Variants in DENND5A observed in about 807,000 individuals in gnomAD.
DENND5A encodes DENN domain-containing protein 5A.
Under a neutral mutation model 140.3 loss-of-function variants are expected in DENND5A, and 64 were observed. That is an observed-to-expected ratio of 0.46 (90% CI 0.37 to 0.56). The LOEUF (loss-of-function observed/expected upper bound fraction) is 0.56, where lower values mean the gene tolerates loss of function less well. Among genes scored for constraint, DENND5A ranks in the 20% least tolerant of loss-of-function variants. The pLI, the probability that DENND5A is intolerant of heterozygous loss-of-function variation, is 0.00. For missense variants in DENND5A, 1,292 were observed against 1,593.8 expected (o/e 0.81, Z 3.22); for synonymous variants, 605 against 607.7 (o/e 1.00, Z 0.07).
At chr11:9,141,308 C>T (rs1179258889) in intron 22 of DENND5A, among the ~76,000 whole-genome samples, 2 of 152,118 alleles carry the variant, frequency 1.3e-5, no homozygotes, top group South Asian at 2.1e-4. Context: ...CCCTCTGCCC[C>T]GAGTTACATA....
chr11:9,164,198 T>A, intron 11 of DENND5A, among the ~76,000 whole-genome samples: 2 of 20,156 alleles, frequency 9.9e-5, no homozygotes, highest in South Asian at 4.3e-3. Flanking sequence ...CGCCTAATTT[T>A]TTTTTTTTTT....
Position 9,142,050 on chromosome 11 carries a change from GT to G in DENND5A, c.3569del (p.Asn1190ThrfsTer64). The G allele has an allele frequency of 6.2e-7, 1 of 1,605,768 alleles. No individual in the cohort carries two copies. The highest frequency in any genetic ancestry group is 8.5e-7 in the Non-Finnish European group (1 of 1,176,178). On this transcript the variant is annotated frameshift_variant, in exon 22 of 23. Coordinates refer to ENST00000328194, the MANE Select transcript of DENND5A (RefSeq NM_015213.4). LOFTEE classifies it high-confidence loss of function. Reference sequence around the variant, plus strand: ...AGAAGTTCCGGGCTCTTGTATGCCAGTTTTCCTCAGGGACTACTTCATTCTT... The same window carrying G: ...AGAAGTTCCGGGCTCTTGTATGCCAGTTTCCTCAGGGACTACTTCATTCTT... Reference protein sequence around the residue: ...LEKNEVVPEENWHTRARNFCR... With the variant: ...LEKNEVVPEEXWHTRARNFCR...
At position 9,247,241 on chromosome 11, in the gene DENND5A, A is replaced by C. The variant is rs558708244; in HGVS notation, c.109+17720T>G. On this transcript the variant is annotated intron_variant, in intron 1 of 22. Transcript: ENST00000328194. ...CGAGACTCCGTCTTAAAAAAAAAAA[A>C]AAAAAACCCTTGCCTGCAAGCCACT... Among the ~76,000 whole-genome samples, 36 of 151,796 alleles carry C rather than the reference A, an allele frequency of 2.4e-4. 1 individual carries two copies. The South Asian group carries it at 6.7e-3, about 28-fold the overall frequency.
At chr11:9,199,610 T>C in intron 4 of DENND5A, among the ~76,000 whole-genome samples, 1 of 152,224 alleles carries the variant, frequency 6.6e-6, no homozygotes, top group Non-Finnish European at 1.5e-5. Context: ...TAAAATGACC[T>C]ATACCAAAAA....
chr11:9,143,586 G>T, intron 19 of DENND5A, 101 bp from the exon 20 acceptor site: 1 of 973,122 alleles, frequency 1.0e-6, no homozygotes, highest in Middle Eastern at 2.5e-4. Context: ...CCATAGGAGA[G>T]GCAGGGCAGC....
intron 1 of DENND5A, among the ~76,000 whole-genome samples, chr11:9,218,567 T>C (rs1850186573): frequency 6.6e-6 from 1 of 151,868 alleles, no homozygotes; most frequent in African/African-American, 2.4e-5. Flanking sequence ...CTACTAAAAA[T>C]ACAAAAATTA....
chr11:9,143,661 T>G (rs1847324388), intron 19 of DENND5A, among the ~76,000 whole-genome samples, 176 bp from the exon 20 acceptor site: 1 of 152,188 alleles, frequency 6.6e-6, no homozygotes, highest in Non-Finnish European at 1.5e-5. Flanking sequence ...CCGCAAATCT[T>G]GGGGGAAAAA....
At chr11:9,167,116 AAC>A (rs1358627390) in intron 10 of DENND5A, among the ~76,000 whole-genome samples, 1 of 152,206 alleles carries the variant, frequency 6.6e-6, no homozygotes, top group African/African-American at 2.4e-5. Flanking sequence ...TATGTTGTTT[AAC>A]ACAGAACCCA....
chr11:9,178,993 T>C lies in DENND5A; in HGVS notation c.1536A>G (p.Leu512=), dbSNP rs1280024738. ...CAAAAACTTCCCGGATCTGAATGTT[T>C]AGCTGGTAAATCCTGAGTTCTTCTT... ...CDEEELRIYQ[L]NIQIREVFAN... is the part of the protein sequence containing the mutation. The change falls in exon 7 of 23, where the codon CTA becomes CTG. Residue 512 remains leucine, a synonymous_variant. Coordinates refer to ENST00000328194, the MANE Select transcript of DENND5A (RefSeq NM_015213.4). 5 of 1,614,040 alleles carry C rather than the reference T, an allele frequency of 3.1e-6. No individual in the cohort carries two copies. Among genetic ancestry groups the C allele is most frequent in the Non-Finnish European group, 4.2e-6 (5 of 1,180,020 alleles).
chr11:9,240,010 G>A (rs536814974), intron 1 of DENND5A, among the ~76,000 whole-genome samples: 57 of 152,202 alleles, frequency 3.7e-4, no homozygotes, highest in African/African-American at 1.2e-3. Context: ...CCAGAGCTAC[G>A]CCCTCTATAG....
intron 12 of DENND5A, among the ~76,000 whole-genome samples, chr11:9,154,300 G>C (rs144782919): frequency 6.6e-6 from 1 of 152,162 alleles, no homozygotes; most frequent in African/African-American, 2.4e-5. Flanking sequence ...CCGTTAGTAA[G>C]CAGAGTGTTG....
chr11:9,191,769 T>C (rs1849134727), intron 5 of DENND5A, among the ~76,000 whole-genome samples: 4 of 152,254 alleles, frequency 2.6e-5, no homozygotes, highest in South Asian at 2.1e-4. Context: ...TGTATTAAAG[T>C]ATGCACATAG....
chr11:9,258,859 G>A (rs761797902), intron 1 of DENND5A, among the ~76,000 whole-genome samples: 2 of 152,156 alleles, frequency 1.3e-5, no homozygotes, highest in Non-Finnish European at 2.9e-5. Context: ...TTTGAAGTTC[G>A]AATTTCACTG....
chr11:9,204,096 G>C lies in DENND5A; in HGVS notation c.513C>G (p.Asp171Glu). 2 of 1,614,158 alleles carry C rather than the reference G, an allele frequency of 1.2e-6. No individual in the cohort carries two copies. Among genetic ancestry groups the C allele is most frequent in the South Asian group, 2.2e-5 (2 of 91,082 alleles). Residue 171 changes from aspartate (D) to glutamate (E), a missense_variant, in exon 4 of 23, where the codon GAC becomes GAG. By Grantham distance (45) the Asp-to-Glu change is conservative. Transcript: ENST00000328194. ...YDVLHAPPADDRDQSSMEDGE... is the reference protein window; with the variant it reads ...YDVLHAPPADERDQSSMEDGE... ...CATCCTCCATGCTGCTCTGGTCTCT[G>C]TCATCAGCAGGGGGAGCATGTAGGA...
intron 16 of DENND5A, 23 bp downstream of exon 16, chr11:9,147,007 G>A (rs760797063): frequency 1.3e-5 from 21 of 1,613,866 alleles, no homozygotes. Context: ...GAGAAGGCCA[G>A]CTGGGAGCAC....
chr11:9,154,602 T>A (rs1847742380), intron 12 of DENND5A, among the ~76,000 whole-genome samples: 1 of 152,170 alleles, frequency 6.6e-6, no homozygotes, highest in Non-Finnish European at 1.5e-5. Flanking sequence ...ATAAGCTTGC[T>A]GTATGTTTGT....
chr11:9,219,457 T>C (rs1407286385), intron 1 of DENND5A, among the ~76,000 whole-genome samples: 1 of 151,770 alleles, frequency 6.6e-6, no homozygotes, highest in Non-Finnish European at 1.5e-5. Context: ...CTCAGCCAAA[T>C]AATAAGAGAG....
chr11:9,167,172 C>T (rs1346369478), intron 10 of DENND5A, among the ~76,000 whole-genome samples: 1 of 152,120 alleles, frequency 6.6e-6, no homozygotes, highest in Non-Finnish European at 1.5e-5. Flanking sequence ...TCAGTAGGTT[C>T]ATAACCAACA....
chr11:9,170,513 A>C, intron 9 of DENND5A, 114 bp downstream of exon 9: 1 of 1,319,414 alleles, frequency 7.6e-7, no homozygotes, highest in African/African-American at 1.5e-5. Context: ...GGTCTTCTCC[A>C]TATCTGCTTT....
Sources: allele counts gnomAD v4.1 joint callset (sites outside exome capture counted in the v4.1 genomes callset), GRCh38; gene constraint gnomAD v4.1.1; transcripts MANE v1.5; gene names NCBI Gene and HGNC (gene_info 2026-07-23, HGNC 2026-07-21).